Variants in PCTP observed in about 807,000 individuals in gnomAD.
PCTP encodes START domain-containing protein 2.
A neutral mutation model predicts 31.0 loss-of-function variants in PCTP; 27 were observed. That is an observed-to-expected ratio of 0.87 (90% CI 0.64 to 1.20). The LOEUF (loss-of-function observed/expected upper bound fraction) is 1.20, where lower values mean the gene tolerates loss of function less well. Ranked by LOEUF, PCTP falls within the 50% of genes most tolerant of loss-of-function variation. The probability of loss-of-function intolerance (pLI) is 0.00; values close to 1 mark genes in which losing one functional copy is unlikely to be tolerated. For synonymous variants in PCTP, 108 were observed against 101.2 expected, an observed-to-expected ratio of 1.07 and a Z score of -0.40; for missense variants, 287 against 268.2, an observed-to-expected ratio of 1.07 and a Z score of -0.49.
chr17:55,824,749 G>C (rs906570294), downstream of PCTP, among the ~76,000 whole-genome samples: 3 of 152,182 alleles, frequency 2.0e-5, no homozygotes, highest in Non-Finnish European at 2.9e-5. Context: ...TGGCCTGGAA[G>C]TTCTCTGGGA....
intron 3 of PCTP, among the ~76,000 whole-genome samples, chr17:55,772,895 G>C (rs768929011): frequency 2.0e-4 from 30 of 152,154 alleles, no homozygotes; most frequent in Admixed American, 1.2e-3. Context: ...GTCATCTGTA[G>C]TATGGGGATA....
intron 3 of PCTP, among the ~76,000 whole-genome samples, chr17:55,809,428 T>C (rs775334944): frequency 5.9e-5 from 9 of 152,156 alleles, no homozygotes. Flanking sequence ...CATATTGATA[T>C]CTCAGCTAGT....
chr17:55,792,347 A>G (rs1376565653), intron 3 of PCTP, among the ~76,000 whole-genome samples: 1 of 150,794 alleles, frequency 6.6e-6, no homozygotes, highest in Non-Finnish European at 1.5e-5. Context: ...AAAAAACCAC[A>G]CATACTCATA....
At chr17:55,834,681 G>C (rs1905719614) in intron 5 of PCTP, among the ~76,000 whole-genome samples, 2 of 152,084 alleles carry the variant, frequency 1.3e-5, no homozygotes, top group Non-Finnish European at 2.9e-5. Flanking sequence ...GGGGAGGACT[G>C]GAAAGTTAAC....
At chr17:55,768,730 C>G (rs976260482) in intron 2 of PCTP, 2 of 152,186 alleles carry the variant, frequency 1.3e-5, no homozygotes, top group Non-Finnish European at 1.5e-5. Context: ...TCCAGATCCT[C>G]CAGGGCCTAG....
At chr17:55,830,099 T>A (rs1351506264) in intron 5 of PCTP, among the ~76,000 whole-genome samples, 1 of 152,182 alleles carries the variant, frequency 6.6e-6, no homozygotes, top group Admixed American at 6.5e-5. Flanking sequence ...TTGTACAATA[T>A]GAACCCCCTG....
chr17:55,767,765 C>CTTT (rs10634278), intron 2 of PCTP, among the ~76,000 whole-genome samples: 61,726 of 103,296 alleles, frequency 0.6, 22,239 homozygotes, highest in South Asian at 0.83. Flanking sequence ...GCACCCAGTG[C>CTTT]TTTTTTTTTT....
chr17:55,822,500 T>C (rs1257539140), intron 3 of PCTP, among the ~76,000 whole-genome samples: 1 of 152,176 alleles, frequency 6.6e-6, no homozygotes, highest in Admixed American at 6.5e-5. Flanking sequence ...CCTTTGTCAG[T>C]TGGAATATTT....
downstream of PCTP, among the ~76,000 whole-genome samples, chr17:55,845,085 C>CAAAAAAA (rs891404386): frequency 2.6e-3 from 83 of 32,522 alleles, 12 homozygotes; most frequent in East Asian, 4.4e-3. Context: ...AAAACTCCAT[C>CAAAAAAA]AAAAAAAAAA....
chr17:55,772,210 A>C (rs988561179), intron 3 of PCTP, among the ~76,000 whole-genome samples: 2 of 152,220 alleles, frequency 1.3e-5, no homozygotes, highest in Non-Finnish European at 2.9e-5. Flanking sequence ...TGAAACATTT[A>C]AGAACTTTAC....
Position 55,789,807 on chromosome 17 carries a change from G to T in PCTP, c.317+2153G>T, listed in dbSNP as rs542539842. Among the ~76,000 whole-genome samples the T allele has an allele frequency of 2.2e-4, 34 of 152,264 alleles. No homozygotes were observed. The South Asian group carries it at 5.8e-3, about 26-fold the overall frequency. ...AATCCTCCCTAACTCATTTTATGATGCCAGCATCATCCTGATACCAAAACC... is the reference window on the plus strand; with the variant it reads ...AATCCTCCCTAACTCATTTTATGATTCCAGCATCATCCTGATACCAAAACC... On this transcript the variant is annotated intron_variant, in intron 3 of 3. Coordinates refer to the PCTP transcript ENST00000572536.
intron 5 of PCTP, 25 bp downstream of exon 5, chr17:55,774,884 GGGGA>G: frequency 1.7e-6 from 1 of 575,506 alleles, no homozygotes; most frequent in Non-Finnish European, 3.3e-6. Flanking sequence ...GGTGGGGCGG[GGGGA>G]GGGATGGGGG....
At chr17:55,812,300 C>T (rs886524207) in intron 3 of PCTP, among the ~76,000 whole-genome samples, 3 of 152,206 alleles carry the variant, frequency 2.0e-5, no homozygotes, top group Non-Finnish European at 4.4e-5. Context: ...GAATACCTTA[C>T]AGGCATCACT....
chr17:55,772,665 G>A (rs368996617), intron 3 of PCTP, among the ~76,000 whole-genome samples: 1 of 151,818 alleles, frequency 6.6e-6, no homozygotes, highest in Non-Finnish European at 1.5e-5. Context: ...TGTGCGTAGT[G>A]ACTTTTTGAT....
intron 3 of PCTP, among the ~76,000 whole-genome samples, chr17:55,809,663 C>T (rs891243272): frequency 2.6e-5 from 4 of 151,922 alleles, no homozygotes; most frequent in African/African-American, 9.7e-5. Flanking sequence ...GCTGGGATTA[C>T]AGGTGTGGGC....
At chr17:55,808,639 C>T (rs890028347) in intron 3 of PCTP, among the ~76,000 whole-genome samples, 3 of 152,208 alleles carry the variant, frequency 2.0e-5, no homozygotes, top group East Asian at 1.9e-4. Flanking sequence ...TATTCCTAAT[C>T]ACTCAGATTA....
Position 55,776,952 on chromosome 17 carries a change from G to A in PCTP, c.*852G>A, listed in dbSNP as rs1246003718. On this transcript the variant is annotated 3_prime_UTR_variant, in exon 6 of 6. Coordinates refer to ENST00000268896, the MANE Select transcript of PCTP (RefSeq NM_021213.4). Reference sequence around the variant, plus strand: ...GCAAAGATGCTTTGTGCATAGCCTTGTGAAAAAGTATCTTTCTATGCAATA... The same window carrying A: ...GCAAAGATGCTTTGTGCATAGCCTTATGAAAAAGTATCTTTCTATGCAATA... 2.0e-6 allele frequency: 2 copies of A among 986,070 alleles called. No individual in the cohort carries two copies. The highest frequency in any genetic ancestry group is 1.7e-5 in the African/African-American group (1 of 57,246). 61.1% of individuals were successfully genotyped at this position (986,070 alleles called of 1,614,324 possible).
intron 3 of PCTP, among the ~76,000 whole-genome samples, chr17:55,792,181 A>T (rs1366390693): frequency 6.8e-5 from 10 of 147,024 alleles, no homozygotes; most frequent in African/African-American, 2.3e-4. Flanking sequence ...GGGGAGGGTT[A>T]GCATTGGGAG....
intron 2 of PCTP, chr17:55,769,264 G>A (rs1037276561): frequency 3.3e-5 from 5 of 152,264 alleles, no homozygotes; most frequent in Non-Finnish European, 2.9e-5. Context: ...CTTGGAGTTT[G>A]TGCTTATTTT....
Sources: allele counts gnomAD v4.1 joint callset (sites outside exome capture counted in the v4.1 genomes callset), GRCh38; gene constraint gnomAD v4.1.1; transcripts MANE v1.5; gene names NCBI Gene and HGNC (gene_info 2026-07-23, HGNC 2026-07-21).